ZNF799: variants seen among roughly 807,000 people sequenced by gnomAD.
ZNF799 encodes zinc finger protein 799, also known as zinc finger protein 14.
Under a neutral mutation model 41.0 loss-of-function variants are expected in ZNF799, and 28 were observed. The observed-to-expected ratio is 0.68, with a 90% CI of 0.51 to 0.94. ZNF799 has a LOEUF of 0.94. Ranked by LOEUF, ZNF799 falls within the 40% of genes least tolerant of loss-of-function variation. ZNF799 has a pLI of 0.00. For missense variants in ZNF799, 716 were observed against 764.3 expected, an observed-to-expected ratio of 0.94 and a Z score of 0.74; for synonymous variants, 213 against 252.9, an observed-to-expected ratio of 0.84 and a Z score of 1.50.
chr19:12,406,376 T>C, the ZNF799 span, among the ~76,000 whole-genome samples: 11 of 143,828 alleles, frequency 7.6e-5, no homozygotes, highest in East Asian at 1.5e-3. Context: ...CCCAGCTACT[T>C]GGGAGGCTGA....
At chr19:12,400,909 C>A (rs1969971238) in intron 1 of ZNF799, 159 bp downstream of exon 1, 2 of 1,350,874 alleles carry the variant, frequency 1.5e-6, no homozygotes, top group African/African-American at 1.4e-5. Context: ...GCTGCATGCC[C>A]AGCCCCACCC....
chr19:12,408,824 G>A, the ZNF799 span, among the ~76,000 whole-genome samples: 100,619 of 151,828 alleles, frequency 0.66, 33,723 homozygotes, highest in Non-Finnish European at 0.71. Flanking sequence ...ACCTGAGGTC[G>A]GGAGTTCAAG....
the ZNF799 span, among the ~76,000 whole-genome samples, chr19:12,413,708 G>C: frequency 6.6e-6 from 1 of 152,338 alleles, no homozygotes; most frequent in African/African-American, 2.4e-5. Flanking sequence ...GAATATTGAG[G>C]AGAGAAAGTT....
chr19:12,403,744 G>T (rs1970013285), upstream of ZNF799, among the ~76,000 whole-genome samples: 1 of 152,036 alleles, frequency 6.6e-6, no homozygotes, highest in South Asian at 2.1e-4. Context: ...AGTAGACAGG[G>T]TTCCACCATG....
intron 1 of ZNF799, among the ~76,000 whole-genome samples, chr19:12,399,376 G>T (rs1193015358): frequency 1.3e-5 from 2 of 150,228 alleles, no homozygotes; most frequent in Admixed American, 6.6e-5. Context: ...AATCATTTCT[G>T]TTTTTTTTTC....
intron 1 of ZNF799, among the ~76,000 whole-genome samples, chr19:12,396,553 G>A (rs1969896585): frequency 6.6e-6 from 1 of 152,224 alleles, no homozygotes; most frequent in Admixed American, 6.5e-5. Flanking sequence ...GGAGGCTGAG[G>A]CAGAAGAATC....
chr19:12,396,758 A>AG (rs1323333620), intron 1 of ZNF799, among the ~76,000 whole-genome samples: 1 of 151,590 alleles, frequency 6.6e-6, no homozygotes, highest in African/African-American at 2.4e-5. Context: ...AGCCAAAAAA[A>AG]AAAAATCAGT....
In ZNF799 at chr19:12,394,747, A is replaced by T. The variant is rs556722476; in HGVS notation, c.4-1324T>A. The T allele has an allele frequency of 6.1e-5, 60 of 985,212 alleles. 1 individual carries two copies. The South Asian group carries it at 2.4e-3, about 40-fold the overall frequency. 61.0% of individuals were successfully genotyped at this position (985,212 alleles called of 1,614,324 possible). ...TATTTATAATACTTACTAAGAAACT[A>T]AAACAAATCTTTTAGTAGTCAACAA... On this transcript the variant is annotated intron_variant, in intron 1 of 3. Coordinates refer to ENST00000430385, the MANE Select transcript of ZNF799 (RefSeq NM_001080821.3).
the ZNF799 span, among the ~76,000 whole-genome samples, chr19:12,407,025 A>G: frequency 1.3e-5 from 2 of 152,230 alleles, no homozygotes; most frequent in African/African-American, 2.4e-5. Context: ...AACTAAAGAA[A>G]AACATCTAAA....
intron 1 of ZNF799, among the ~76,000 whole-genome samples, chr19:12,396,799 CT>C (rs980249863): frequency 7.3e-5 from 11 of 149,660 alleles, no homozygotes; most frequent in African/African-American, 2.7e-4. Flanking sequence ...TGAAATTAAT[CT>C]AATGGGGAAA....
chr19:12,408,209 T>C, the ZNF799 span, among the ~76,000 whole-genome samples: 1 of 152,116 alleles, frequency 6.6e-6, no homozygotes, highest in Non-Finnish European at 1.5e-5. Context: ...ACAAGTAGTA[T>C]AGTATAATAA....
At chr19:12,410,901 A>G in the ZNF799 span, among the ~76,000 whole-genome samples, 50,647 of 152,052 alleles carry the variant, frequency 0.33, 8,999 homozygotes, top group South Asian at 0.51. Context: ...GAACGGGCAT[A>G]ATCTATTTAA....
At chr19:12,398,460 G>C (rs1969931836) in intron 1 of ZNF799, among the ~76,000 whole-genome samples, 1 of 152,132 alleles carries the variant, frequency 6.6e-6, no homozygotes, top group African/African-American at 2.4e-5. Context: ...GAAATTGTAA[G>C]GCACTGATAT....
chr19:12,391,097 C>T lies in ZNF799; in HGVS notation c.1301G>A (p.Ser434Asn). Residue 434 changes from serine to asparagine, a missense_variant, in exon 4 of 4, where the codon AGT becomes AAT. Physicochemically the swap from Ser to Asn is conservative, Grantham distance 46. Coordinates refer to ENST00000430385, the MANE Select transcript of ZNF799 (RefSeq NM_001080821.3). ...AGTTGTTTCATGCCTTCGAAGAGAA[C>T]TGGAAATACGGTAGGCTTTGCCACA... ...KQCGKAYRIS[S>N]SLRRHETTHT... 5 of 1,614,138 alleles carry T rather than the reference C, an allele frequency of 3.1e-6. No homozygotes were observed. The highest frequency in any genetic ancestry group is 4.2e-6 in the Non-Finnish European group (5 of 1,180,006).
the ZNF799 span, among the ~76,000 whole-genome samples, chr19:12,412,829 C>T: frequency 1.3e-4 from 19 of 151,690 alleles, no homozygotes; most frequent in Admixed American, 3.3e-4. Context: ...CACCTGAGGC[C>T]GGGAGTTTGA....
the ZNF799 span, among the ~76,000 whole-genome samples, chr19:12,414,963 G>A: frequency 1.3e-5 from 2 of 152,096 alleles, no homozygotes; most frequent in Non-Finnish European, 2.9e-5. Flanking sequence ...AAATGTTAAC[G>A]AATTAAACGC....
At chr19:12,394,884 C>CCGTA in intron 1 of ZNF799, 1 of 984,198 alleles carries the variant, frequency 1.0e-6, no homozygotes, top group Non-Finnish European at 1.2e-6. Flanking sequence ...ATTTGGCACC[C>CCGTA]CGTACTATTA....
chr19:12,391,962 G>A lies in ZNF799; in HGVS notation c.436C>T (p.Arg146Cys), dbSNP rs756554232. The change falls in exon 4 of 4, where the codon CGT (arginine) becomes TGT (cysteine). Residue 146 changes from arginine (R) to cysteine (C), a missense_variant. Arg to Cys is a radical substitution (Grantham distance 180, BLOSUM62 -3). Coordinates refer to ENST00000430385, the MANE Select transcript of ZNF799 (RefSeq NM_001080821.3). ...CGEKPDTHKQ[R>C]GKAFSYHNSL... ...TTGTGGTAACTGAAGGCTTTCCCAC[G>A]TTGTTTATGCGTATCTGGCTTCTCT... The A allele has an allele frequency of 3.3e-5, 53 of 1,614,008 alleles. No homozygotes were observed. The highest frequency in any genetic ancestry group is 2.4e-4 in the South Asian group (22 of 91,082).
Position 12,391,487 on chromosome 19 carries a change from G to C in ZNF799, c.911C>G (p.Thr304Ser), listed in dbSNP as rs45442691. ...CTGACATGCATAGGGTTTCTCATCA[G>C]TGTGAGTTGTTTCGTGTCTTCGAAG... is the stretch of plus-strand genomic sequence containing the variant. ...TSLRRHETTH[T>S]DEKPYACQQC... The change falls in exon 4 of 4, where the codon ACT becomes AGT. Residue 304 changes from threonine to serine, a missense_variant. Thr to Ser is a moderately conservative substitution (Grantham distance 58, BLOSUM62 1). Coordinates refer to ENST00000430385, the MANE Select transcript of ZNF799 (RefSeq NM_001080821.3). 2.5e-6 allele frequency: 4 copies of C among 1,614,132 alleles called. No homozygotes were observed. The highest frequency in any genetic ancestry group is 1.7e-5 in the Admixed American group (1 of 60,018).
Sources: gnomAD v4.1 joint callset for allele counts (sites outside exome capture counted in the v4.1 genomes callset) on GRCh38, gnomAD v4.1.1 for gene constraint, MANE v1.5 for transcripts, NCBI Gene and HGNC (gene_info 2026-07-23, HGNC 2026-07-21) for gene names.